CATSPER1: variants seen among roughly 807,000 people sequenced by gnomAD.
CATSPER1 encodes cation channel sperm-associated protein 1.
CATSPER1 carries 57 observed loss-of-function variants against 72.7 expected under a neutral mutation model. That is an observed-to-expected ratio of 0.78 (90% CI 0.63 to 0.98). CATSPER1 has a LOEUF of 0.98. Ranked by LOEUF, CATSPER1 falls within the 50% of genes least tolerant of loss-of-function variation. The probability of loss-of-function intolerance (pLI) is 0.00; values close to 1 mark genes in which losing one functional copy is unlikely to be tolerated. For synonymous variants in CATSPER1, 363 were observed against 403.0 expected (o/e 0.90, Z 1.19); for missense variants, 910 against 1,033.9 (o/e 0.88, Z 1.64).
At position 66,026,086 on chromosome 11, in the gene CATSPER1, C is replaced by T; in HGVS notation, c.294G>A (p.Leu98=). The T allele has an allele frequency of 6.2e-7, 1 of 1,613,004 alleles. No individual in the cohort carries two copies. The highest frequency in any genetic ancestry group is 8.5e-7 in the Non-Finnish European group (1 of 1,179,360). The change falls in exon 1 of 12, where the codon CTG becomes CTA. Residue 98 remains leucine (L), a synonymous_variant. Coordinates refer to ENST00000312106, the MANE Select transcript of CATSPER1 (RefSeq NM_053054.4). The stretch of plus-strand genomic sequence containing the variant: ...AGGGGACGGCGCCTTGAGAGGGAGC[C>T]AGACCAAAGCCTGTGGGGCCATGGG... ...GRAHGPTGFG[L]APSQGAVPSH... is the part of the protein sequence containing the mutation.
In CATSPER1 at chr11:66,017,192, G is replaced by GGGGGGGGGGGGGGGGGGGC; in HGVS notation, c.2202-19_2202-18insGCCCCCCCCCCCCCCCCCC. On this transcript the variant is annotated intron_variant, in intron 10 of 11. Coordinates refer to ENST00000312106, the MANE Select transcript of CATSPER1 (RefSeq NM_053054.4). ...CCTGCTGCCTGCGGGTGGGCGGGGG[G>GGGGGGGGGGGGGGGGGGGC]GTCGCAGAGACAGGGGCTGGGCTGA... 1.9e-6 allele frequency: 1 copy of GGGGGGGGGGGGGGGGGGGC among 518,402 alleles called. No homozygotes were observed. The highest frequency in any genetic ancestry group is 3.8e-6 in the Non-Finnish European group (1 of 262,954). The allele number at this position is 518,402 out of a possible 1,614,324, so 32.1% of individuals were successfully genotyped here.
At chr11:66,019,034 A>G (rs983124082) in intron 9 of CATSPER1, 132 bp from the exon 10 acceptor site, 49 of 723,658 alleles carry the variant, frequency 6.8e-5, no homozygotes, top group Non-Finnish European at 1.2e-4. Flanking sequence ...TTCTCCGGGC[A>G]TGCAGCACGA....
Position 66,016,815 on chromosome 11 carries a change from C to T in CATSPER1, c.*75G>A. The T allele has an allele frequency of 6.5e-7, 1 of 1,528,962 alleles. No individual in the cohort carries two copies. The highest frequency in any genetic ancestry group is 8.9e-7 in the Non-Finnish European group (1 of 1,120,414). 94.7% of individuals were successfully genotyped at this position (1,528,962 alleles called of 1,614,324 possible). Reference sequence around the variant, plus strand: ...GGCCCGGACAATCATTCCAGCAGATCTGGGGACCCGTCCCAGTGCACCCAG... The same window carrying T: ...GGCCCGGACAATCATTCCAGCAGATTTGGGGACCCGTCCCAGTGCACCCAG... On this transcript the variant is annotated 3_prime_UTR_variant, in exon 12 of 12. Coordinates refer to ENST00000312106, the MANE Select transcript of CATSPER1 (RefSeq NM_053054.4).
chr11:66,021,740 C>A (rs375866031), intron 3 of CATSPER1, 26 bp downstream of exon 3: 11 of 1,611,678 alleles, frequency 6.8e-6, no homozygotes, highest in African/African-American at 2.7e-5. Context: ...ACTAAACACA[C>A]GCAGCCTGGC....
intron 10 of CATSPER1, among the ~76,000 whole-genome samples, chr11:66,017,575 C>T (rs896159031): frequency 1.3e-5 from 2 of 151,898 alleles, no homozygotes; most frequent in African/African-American, 2.4e-5. Context: ...ACCCCCCACC[C>T]ACCCATTGAC....
Position 66,020,237 on chromosome 11 carries a change from G to A in CATSPER1, c.2065-37C>T, listed in dbSNP as rs768246322. ...AGGCCTCAGATCTGCCAGAGTCCCA[G>A]GCCTGCTCAACCCTGGAGGCCCCTG... On this transcript the variant is annotated intron_variant, in intron 8 of 11. Transcript: ENST00000312106. The surrounding 1 kb of genome is among the most constrained non-coding windows in gnomAD (Gnocchi z 4.5). 6.2e-7 allele frequency: 1 copy of A among 1,614,092 alleles called. No individual in the cohort carries two copies. The highest frequency in any genetic ancestry group is 1.1e-5 in the South Asian group (1 of 91,086).
rs576602428 is a variant in CATSPER1, at chr11:66,020,125, G to A, written c.2125+15C>T. On this transcript the variant is annotated intron_variant, in intron 9 of 11. Coordinates refer to ENST00000312106, the MANE Select transcript of CATSPER1 (RefSeq NM_053054.4). The surrounding 1 kb of genome is among the most constrained non-coding windows in gnomAD (Gnocchi z 4.5). ...GCGGACGGGCAGGTGGGGCCAGGGC[G>A]GGCCAGGCCCATACCTGCAGCTCTG... 2.1e-5 allele frequency: 34 copies of A among 1,612,588 alleles called. No individual in the cohort carries two copies. In the Admixed American group the frequency reaches 2.2e-4, roughly 10 times the overall value.
In CATSPER1 at chr11:66,017,144, C is replaced by T; in HGVS notation, c.2232G>A (p.Gln744=). Residue 744 remains glutamine (Q), a synonymous_variant, in exon 11 of 12, where the codon CAG becomes CAA. Transcript: ENST00000312106. ...GCTCCTGCTCCACGCTTGCCACCAG[C>T]TGCAGGTAATGGAACAGGAGCTCCT... ...KQQELLFHYL[Q]LVASVEQEQQ... The T allele has an allele frequency of 7.2e-7, 1 of 1,391,186 alleles. No homozygotes were observed. Among genetic ancestry groups the T allele is most frequent in the Non-Finnish European group, 9.6e-7 (1 of 1,038,262 alleles). The allele number at this position is 1,391,186 out of a possible 1,614,324, so 86.2% of individuals were successfully genotyped here. A position where few individuals can be genotyped will look rare whatever the true frequency, so the allele number is the denominator to read the frequency against.
At chr11:66,018,766 C>T in intron 10 of CATSPER1, 61 bp downstream of exon 10, 2 of 1,565,688 alleles carry the variant, frequency 1.3e-6, no homozygotes, top group East Asian at 2.2e-5. Flanking sequence ...TCCAGCCCTC[C>T]AGCCAGGCCC....
In CATSPER1 at chr11:66,025,628, GAAT is replaced by G; in HGVS notation, c.749_751del (p.His250_Ser251delinsPro). ...CCCACGCTGGTAGGACCCCACAGAG[GAAT>G]GAGGGGAAATGGTCTCTCCGTGATG... On this transcript the variant is annotated inframe_deletion, in exon 1 of 12. Coordinates refer to ENST00000312106, the MANE Select transcript of CATSPER1 (RefSeq NM_053054.4). 2 of 1,613,368 alleles carry G rather than the reference GAAT, an allele frequency of 1.2e-6. No homozygotes were observed. Among genetic ancestry groups the G allele is most frequent in the Non-Finnish European group, 1.7e-6 (2 of 1,179,676 alleles).
In CATSPER1 at chr11:66,017,148, A is replaced by C; in HGVS notation, c.2228T>G (p.Leu743Arg). 8 of 1,201,500 alleles carry C rather than the reference A, an allele frequency of 6.7e-6. No individual in the cohort carries two copies. Among genetic ancestry groups the C allele is most frequent in the Non-Finnish European group, 9.0e-6 (8 of 889,680 alleles). The allele number at this position is 1,201,500 out of a possible 1,614,324, so 74.4% of individuals were successfully genotyped here. The change falls in exon 11 of 12, where the codon CTG (leucine) becomes CGG (arginine). Residue 743 changes from leucine to arginine, a missense_variant. Transcript: ENST00000312106. ...CTGCTCCACGCTTGCCACCAGCTGC[A>C]GGTAATGGAACAGGAGCTCCTGCTG... is the stretch of plus-strand genomic sequence containing the variant. The part of the protein sequence containing the change: ...EKQQELLFHY[L>R]QLVASVEQEQ...
chr11:66,017,193 G>GTGGGGGGGGGGGGGGGGCC lies in CATSPER1; in HGVS notation c.2202-20_2202-19insGGCCCCCCCCCCCCCCCCA. On this transcript the variant is annotated intron_variant, in intron 10 of 11. Coordinates refer to ENST00000312106, the MANE Select transcript of CATSPER1 (RefSeq NM_053054.4). ...CTGCTGCCTGCGGGTGGGCGGGGGG[G>GTGGGGGGGGGGGGGGGGCC]TCGCAGAGACAGGGGCTGGGCTGAC... 1 of 493,814 alleles carries GTGGGGGGGGGGGGGGGGCC rather than the reference G, an allele frequency of 2.0e-6. No individual in the cohort carries two copies. Among genetic ancestry groups the GTGGGGGGGGGGGGGGGGCC allele is most frequent in the Non-Finnish European group, 4.0e-6 (1 of 252,620 alleles). 30.6% of individuals were successfully genotyped at this position (493,814 alleles called of 1,614,324 possible).
In CATSPER1 at chr11:66,020,486, G is replaced by A. The variant is rs1417939181; in HGVS notation, c.1991+78C>T. 5 of 1,599,140 alleles carry A rather than the reference G, an allele frequency of 3.1e-6. No individual in the cohort carries two copies. The highest frequency in any genetic ancestry group is 4.3e-6 in the Non-Finnish European group (5 of 1,166,832). ...GTTCAGCGTGGCATGACCAGGGTGA[G>A]AGGGCTGGGGTAAGGGTCCCAGGGG... On this transcript the variant is annotated intron_variant, in intron 7 of 11. Coordinates refer to ENST00000312106, the MANE Select transcript of CATSPER1 (RefSeq NM_053054.4). The surrounding 1 kb of genome is among the most constrained non-coding windows in gnomAD (Gnocchi z 4.5).
rs1856501586 is a variant in CATSPER1, at chr11:66,026,107, A to G, written c.273T>C (p.His91=). Residue 91 remains histidine, a synonymous_variant, in exon 1 of 12, where the codon CAT becomes CAC. Transcript: ENST00000312106. ...HSEARNHGRA[H]GPTGFGLAPS... is the part of the protein sequence containing the mutation. ...GAGCCAGACCAAAGCCTGTGGGGCC[A>G]TGGGCTCTGCCGTGATTCCGTGCCT... is the stretch of plus-strand genomic sequence containing the variant. 1 of 1,610,704 alleles carries G rather than the reference A, an allele frequency of 6.2e-7. No homozygotes were observed. Among genetic ancestry groups the G allele is most frequent in the Non-Finnish European group, 8.5e-7 (1 of 1,177,702 alleles).
Position 66,020,773 on chromosome 11 carries a change from A to G in CATSPER1, c.1927+38T>C. The G allele has an allele frequency of 6.2e-7, 1 of 1,613,218 alleles. No homozygotes were observed. The highest frequency in any genetic ancestry group is 8.5e-7 in the Non-Finnish European group (1 of 1,179,840). Reference sequence around the variant, plus strand: ...TGAGCCCTGGCCGGTCCACCCCGCCAATCCCCGGCCCTCCCTGCAGCCTGG... The same window carrying G: ...TGAGCCCTGGCCGGTCCACCCCGCCGATCCCCGGCCCTCCCTGCAGCCTGG... On this transcript the variant is annotated intron_variant, in intron 6 of 11. Transcript: ENST00000312106. The surrounding 1 kb of genome is among the most constrained non-coding windows in gnomAD (Gnocchi z 4.5).
Position 66,020,038 on chromosome 11 carries a change from C to T in CATSPER1, c.2125+102G>A. On this transcript the variant is annotated intron_variant, in intron 9 of 11. Coordinates refer to ENST00000312106, the MANE Select transcript of CATSPER1 (RefSeq NM_053054.4). This position sits in a 1 kb window ranked among gnomAD's most constrained non-coding sequence, Gnocchi z 4.5. ...AGTCTCAAATTCTAAAACTCTAAAACTGAGTCTGGAATTCTGTGACTGTGG... is the reference window on the plus strand; with the variant it reads ...AGTCTCAAATTCTAAAACTCTAAAATTGAGTCTGGAATTCTGTGACTGTGG... The T allele has an allele frequency of 8.2e-7, 1 of 1,225,642 alleles. No homozygotes were observed. Among genetic ancestry groups the T allele is most frequent in the Non-Finnish European group, 1.2e-6 (1 of 859,852 alleles). The allele number at this position is 1,225,642 out of a possible 1,614,324, so 75.9% of individuals were successfully genotyped here.
At chr11:66,017,375 C>T (rs1022126707) in intron 10 of CATSPER1, among the ~76,000 whole-genome samples, 4 of 152,186 alleles carry the variant, frequency 2.6e-5, no homozygotes, top group Non-Finnish European at 1.5e-5. Flanking sequence ...GCAGAGGCTT[C>T]TGGCTTTGTT....
intron 9 of CATSPER1, among the ~76,000 whole-genome samples, chr11:66,019,918 C>CAA (rs60681273): frequency 2.7e-4 from 17 of 62,688 alleles, no homozygotes; most frequent in East Asian, 1.8e-3. Context: ...GACTCCATCT[C>CAA]AAAAAAAAAA....
chr11:66,023,858 G>A (rs1856433426), intron 1 of CATSPER1, among the ~76,000 whole-genome samples: 1 of 151,692 alleles, frequency 6.6e-6, no homozygotes, highest in African/African-American at 2.4e-5. Context: ...CTCCCTTTCA[G>A]GTCCTGATGA....
Sources: allele counts gnomAD v4.1 joint callset (sites outside exome capture counted in the v4.1 genomes callset), GRCh38; gene constraint gnomAD v4.1.1; non-coding constraint Gnocchi (gnomAD v3.1); transcripts MANE v1.5; gene names NCBI Gene and HGNC (gene_info 2026-07-23, HGNC 2026-07-21).